The following MYO1A variants were observed in gnomAD, a reference collection of about 807,000 sequenced individuals.
MYO1A encodes unconventional myosin-Ia.
A neutral mutation model predicts 138.5 loss-of-function variants in MYO1A; 127 were observed. That is an observed-to-expected ratio of 0.92 (90% CI 0.79 to 1.06). The LOEUF is 1.06. Ranked by LOEUF, MYO1A falls within the 50% of genes least tolerant of loss-of-function variation. The pLI is 0.00. For missense variants in MYO1A, 1,211 were observed against 1,288.8 expected, an observed-to-expected ratio of 0.94 and a Z score of 0.92; for synonymous variants, 477 against 497.5, an observed-to-expected ratio of 0.96 and a Z score of 0.55.
Position 57,037,570 on chromosome 12 carries a change from A to T in MYO1A, c.2033T>A (p.Ile678Asn). 6.2e-7 allele frequency: 1 copy of T among 1,614,090 alleles called. No individual in the cohort carries two copies. Among genetic ancestry groups the T allele is most frequent in the Non-Finnish European group, 8.5e-7 (1 of 1,179,996 alleles). ...SGELAFGKTK[I>N]FIRSPKTLFY... is the part of the protein sequence containing the mutation. The stretch of plus-strand genomic sequence containing the variant: ...CACAGTCTTGGGGCTTCTAATGAAG[A>T]TCTTTGTCTTGCCAAAGGCCAGCTC... Residue 678 changes from isoleucine to asparagine, a missense_variant, in exon 19 of 28, where the codon ATC (isoleucine) becomes AAC (asparagine). Physicochemically the swap from Ile to Asn is moderately radical, Grantham distance 149. Transcript: ENST00000300119.
chr12:57,032,236 G>A (rs978356853), intron 22 of MYO1A, among the ~76,000 whole-genome samples: 2 of 152,176 alleles, frequency 1.3e-5, no homozygotes, highest in Non-Finnish European at 1.5e-5. Flanking sequence ...TAGACACTGA[G>A]TCCTTATAAG....
Position 57,047,371 on chromosome 12 carries a change from A to C in MYO1A, c.362T>G (p.Val121Gly), listed in dbSNP as rs917701990. The change falls in exon 5 of 28, where the codon GTC becomes GGC. Residue 121 changes from valine (V) to glycine (G), a missense_variant. Transcript: ENST00000300119. ...SKLVMSYVAA[V>G]CGKGEQVNSV... Reference sequence around the variant, plus strand: ...GTTCACCTGCTCTCCTTTCCCACAGACGGCAGCCACATAAGACATCACCAG... The same window carrying C: ...GTTCACCTGCTCTCCTTTCCCACAGCCGGCAGCCACATAAGACATCACCAG... 1 of 1,613,922 alleles carries C rather than the reference A, an allele frequency of 6.2e-7. No homozygotes were observed. The highest frequency in any genetic ancestry group is 1.3e-5 in the African/African-American group (1 of 74,858).
chr12:57,030,990 G>C, intron 23 of MYO1A, 50 bp downstream of exon 23: 1 of 1,605,706 alleles, frequency 6.2e-7, no homozygotes, highest in Non-Finnish European at 8.5e-7. Flanking sequence ...AAATCAGGGG[G>C]AGGGAAAAAA....
chr12:57,031,279 A>G (rs1451119605), intron 22 of MYO1A, 105 bp from the exon 23 acceptor site: 8 of 1,402,266 alleles, frequency 5.7e-6, no homozygotes, highest in Non-Finnish European at 8.0e-6. Context: ...GTTAACCCAC[A>G]GTGAGAAGCA....
chr12:57,040,373 C>T (rs185210650), intron 14 of MYO1A, among the ~76,000 whole-genome samples: 46 of 152,134 alleles, frequency 3.0e-4, no homozygotes, highest in African/African-American at 1.0e-3. Context: ...CTTGCATATG[C>T]GTAAGGACTT....
intron 2 of MYO1A, 23 bp downstream of exon 2, chr12:57,048,187 A>T: frequency 6.2e-7 from 1 of 1,607,168 alleles, no homozygotes; most frequent in South Asian, 1.1e-5. Flanking sequence ...ATCCACAGCC[A>T]GAGGCACCCA....
rs180953439 is a variant in MYO1A, at chr12:57,040,817, G to A, written c.1269+367C>T. On this transcript the variant is annotated intron_variant, in intron 14 of 27. Coordinates refer to ENST00000300119, the MANE Select transcript of MYO1A (RefSeq NM_005379.4). ...AGGACAGCAACTCTAGCTAGGGCCC[G>A]GGGGAGACCAAGGACTCTGAGATGT... Among the ~76,000 whole-genome samples, 246 of 152,278 alleles carry A rather than the reference G, an allele frequency of 1.6e-3. 1 individual carries two copies. The highest frequency in any genetic ancestry group is 2.8e-3 in the Non-Finnish European group (192 of 68,008).
chr12:57,043,051 G>A (rs750395045), intron 12 of MYO1A, 21 bp downstream of exon 12: 3 of 1,613,328 alleles, frequency 1.9e-6, no homozygotes, highest in Admixed American at 1.7e-5. Context: ...AGAGCATGGA[G>A]AAAGCAGAGC....
Position 57,041,510 on chromosome 12 carries a change from G to A in MYO1A, c.1099-13C>T, listed in dbSNP as rs2030859023. The A allele has an allele frequency of 6.2e-7, 1 of 1,609,606 alleles. No individual in the cohort carries two copies. Among genetic ancestry groups the A allele is most frequent in the African/African-American group, 1.3e-5 (1 of 74,806 alleles). ...CCCCGATGCCCACCTGAAGAGGAGA[G>A]AAAGATAAATCTGAGGACAGGCCCC... is the stretch of plus-strand genomic sequence containing the variant. On this transcript the variant is annotated splice_polypyrimidine_tract_variant and intron_variant, in intron 12 of 27. Coordinates refer to ENST00000300119, the MANE Select transcript of MYO1A (RefSeq NM_005379.4).
At chr12:57,036,044 G>A (rs937208567) in intron 22 of MYO1A, among the ~76,000 whole-genome samples, 1 of 152,214 alleles carries the variant, frequency 6.6e-6, no homozygotes, top group Non-Finnish European at 1.5e-5. Flanking sequence ...TAGACCAGAT[G>A]GTGGGTGTGC....
At chr12:57,035,364 G>A (rs545981755) in intron 22 of MYO1A, among the ~76,000 whole-genome samples, 1 of 152,300 alleles carries the variant, frequency 6.6e-6, no homozygotes, top group East Asian at 1.9e-4. Flanking sequence ...GGAAGAGGAC[G>A]AGCAAATGAA....
intron 22 of MYO1A, among the ~76,000 whole-genome samples, chr12:57,033,523 A>C (rs1456408164): frequency 1.3e-5 from 2 of 151,878 alleles, no homozygotes; most frequent in East Asian, 3.9e-4. Flanking sequence ...CACCCACCTA[A>C]TTTTTAAATT....
In MYO1A at chr12:57,043,166, T is replaced by C; in HGVS notation, c.1012-8A>G. The stretch of plus-strand genomic sequence containing the variant: ...GTCCCGAGCATACTGAGCCTGTGGG[T>C]GAGGCACAGCTGATTAGGGTGGCAT... On this transcript the variant is annotated splice_polypyrimidine_tract_variant and splice_region_variant and intron_variant, in intron 11 of 27. Transcript: ENST00000300119. 6 of 1,614,098 alleles carry C rather than the reference T, an allele frequency of 3.7e-6. No homozygotes were observed. Among genetic ancestry groups the C allele is most frequent in the Non-Finnish European group, 5.1e-6 (6 of 1,180,006 alleles).
intron 21 of MYO1A, 23 bp from the exon 22 acceptor site, chr12:57,036,404 G>A (rs575271485): frequency 1.2e-6 from 2 of 1,611,302 alleles, no homozygotes; most frequent in African/African-American, 2.7e-5. Flanking sequence ...TACAAGAAAG[G>A]AGCCAAAGTG....
intron 24 of MYO1A, 110 bp from the exon 25 acceptor site, chr12:57,029,982 T>C: frequency 6.5e-7 from 1 of 1,533,850 alleles, no homozygotes; most frequent in Non-Finnish European, 9.0e-7. Context: ...CCACGTATCC[T>C]CTGTCAGTGT....
At chr12:57,042,639 A>G (rs1328920226) in intron 12 of MYO1A, among the ~76,000 whole-genome samples, 1 of 152,166 alleles carries the variant, frequency 6.6e-6, no homozygotes, top group East Asian at 1.9e-4. Flanking sequence ...TTCATAAAAT[A>G]TAGAGTTGGG....
chr12:57,039,166 G>GAGC, intron 15 of MYO1A, 46 bp downstream of exon 15: 1 of 1,588,328 alleles, frequency 6.3e-7, no homozygotes. Flanking sequence ...GGATGTTCAG[G>GAGC]CAGTCTGGAA....
chr12:57,032,143 CTCCTT>C (rs2030319519), intron 22 of MYO1A, among the ~76,000 whole-genome samples: 1 of 152,232 alleles, frequency 6.6e-6, no homozygotes. Context: ...CGGATTGCCT[CTCCTT>C]TCTTTGAAGC....
chr12:57,043,737 G>A, intron 10 of MYO1A, 119 bp downstream of exon 10: 1 of 1,328,032 alleles, frequency 7.5e-7, no homozygotes, highest in East Asian at 2.5e-5. Context: ...GAACTCAGGA[G>A]TGGGCTGAGT....
Sources: gnomAD v4.1 joint callset for allele counts (sites outside exome capture counted in the v4.1 genomes callset) on GRCh38, gnomAD v4.1.1 for gene constraint, MANE v1.5 for transcripts, NCBI Gene and HGNC (gene_info 2026-07-23, HGNC 2026-07-21) for gene names.